The following SCGB2A1 variants were observed in gnomAD, a reference collection of about 807,000 sequenced individuals.
SCGB2A1 encodes mammaglobin-B.
Under a neutral mutation model 9.2 loss-of-function variants are expected in SCGB2A1, and 6 were observed. That is an observed-to-expected ratio of 0.66 (90% CI 0.36 to 1.29). The LOEUF (loss-of-function observed/expected upper bound fraction) is 1.29. Among genes scored for constraint, SCGB2A1 ranks in the 50% most tolerant of loss-of-function variants. SCGB2A1 has a pLI of 0.03. For missense variants in SCGB2A1, 138 were observed against 116.9 expected, an observed-to-expected ratio of 1.18 and a Z score of -0.83; for synonymous variants, 37 against 41.0, an observed-to-expected ratio of 0.90 and a Z score of 0.37.
At chr11:62,210,853 TCA>T (rs1491140104) in intron 2 of SCGB2A1, among the ~76,000 whole-genome samples, 2 of 151,438 alleles carry the variant, frequency 1.3e-5, no homozygotes, top group Admixed American at 6.6e-5. Flanking sequence ...CAGTCCCTTC[TCA>T]CACAGACACA....
intron 2 of SCGB2A1, among the ~76,000 whole-genome samples, chr11:62,212,406 G>T (rs1485428759): frequency 6.6e-6 from 1 of 151,406 alleles, no homozygotes; most frequent in Non-Finnish European, 1.5e-5. Flanking sequence ...AGGCCAAGGC[G>T]GGCAGATCAC....
intron 2 of SCGB2A1, among the ~76,000 whole-genome samples, chr11:62,211,664 T>G (rs1944832108): frequency 1.3e-5 from 2 of 151,974 alleles, no homozygotes; most frequent in South Asian, 4.1e-4. Context: ...CCTCCCAAAG[T>G]GCTGGGATTA....
At chr11:62,213,019 T>TGTACACAC (rs1402576773) in intron 2 of SCGB2A1, among the ~76,000 whole-genome samples, 1 of 140,144 alleles carries the variant, frequency 7.1e-6, no homozygotes, top group African/African-American at 2.8e-5. Context: ...TATGCACATA[T>TGTACACAC]ATACATATAT....
At position 62,208,693 on chromosome 11, in the gene SCGB2A1, T is replaced by C. The variant is rs1944803396; in HGVS notation, c.-39T>C. ...CCTCCACAGCAACTTCCTTGATCCC[T>C]GCCACGCACGACTGAACACAGACAG... On this transcript the variant is annotated 5_prime_UTR_variant, in exon 1 of 3. Coordinates refer to ENST00000244930, the MANE Select transcript of SCGB2A1 (RefSeq NM_002407.3). The C allele has an allele frequency of 1.9e-6, 3 of 1,610,100 alleles. No individual in the cohort carries two copies. The African/African-American group carries it at 4.0e-5, about 22-fold the overall frequency.
chr11:62,212,722 G>T (rs1009195806), intron 2 of SCGB2A1, among the ~76,000 whole-genome samples: 3 of 151,834 alleles, frequency 2.0e-5, no homozygotes, highest in African/African-American at 7.3e-5. Flanking sequence ...AGTGTTTCTT[G>T]TTTCCGTTTT....
At chr11:62,211,962 G>T (rs546053702) in intron 2 of SCGB2A1, among the ~76,000 whole-genome samples, 16 of 152,172 alleles carry the variant, frequency 1.1e-4, no homozygotes, top group Non-Finnish European at 1.3e-4. Context: ...AGCTCTTGTT[G>T]CTCAGGCTGG....
At chr11:62,213,091 C>CACATATATATATATAT (rs57411910) in intron 2 of SCGB2A1, among the ~76,000 whole-genome samples, 6 of 13,856 alleles carry the variant, frequency 4.3e-4, no homozygotes, top group East Asian at 4.6e-3. Context: ...CATATATACA[C>CACATATATATATATAT]ATATATATAT....
intron 1 of SCGB2A1, among the ~76,000 whole-genome samples, chr11:62,209,887 C>T (rs946865206): frequency 6.6e-6 from 1 of 152,110 alleles, no homozygotes; most frequent in Non-Finnish European, 1.5e-5. Flanking sequence ...GTTGTCCAGG[C>T]TGGTCTTAAA....
At chr11:62,212,918 A>G (rs1944841513) in intron 2 of SCGB2A1, among the ~76,000 whole-genome samples, 4 of 146,126 alleles carry the variant, frequency 2.7e-5, no homozygotes, top group Admixed American at 2.7e-4. Flanking sequence ...ACATATATAT[A>G]CACACACACA....
chr11:62,208,710 C>T lies in SCGB2A1; in HGVS notation c.-22C>T. The T allele has an allele frequency of 1.2e-6, 2 of 1,613,300 alleles. No homozygotes were observed. Among genetic ancestry groups the T allele is most frequent in the Non-Finnish European group, 1.7e-6 (2 of 1,179,668 alleles). On this transcript the variant is annotated 5_prime_UTR_variant, in exon 1 of 3. Transcript: ENST00000244930. ...TTGATCCCTGCCACGCACGACTGAA[C>T]ACAGACAGCAGCCGCCTCGCCATGA...
chr11:62,213,175 A>G (rs1463520035), intron 2 of SCGB2A1, among the ~76,000 whole-genome samples: 2 of 149,610 alleles, frequency 1.3e-5, no homozygotes, highest in Non-Finnish European at 3.0e-5. Context: ...GGGTCAAGCA[A>G]TCTGCCCTCC....
rs1051676030 is a variant in SCGB2A1 at position 62,210,401 on chromosome 11, T to C, written c.56-12T>C. On this transcript the variant is annotated splice_polypyrimidine_tract_variant and intron_variant, in intron 1 of 2. Coordinates refer to ENST00000244930, the MANE Select transcript of SCGB2A1 (RefSeq NM_002407.3). The stretch of plus-strand genomic sequence containing the variant: ...GTTCTTGTGTCTTTTTTTTTTTTTT[T>C]TTTTTTTCCAGATTCTGGCTGCAAA... 3.3e-6 allele frequency: 5 copies of C among 1,532,684 alleles called. No individual in the cohort carries two copies. The highest frequency in any genetic ancestry group is 1.3e-5 in the South Asian group (1 of 77,922). 94.9% of individuals were successfully genotyped at this position (1,532,684 alleles called of 1,614,324 possible).
At position 62,211,375 on chromosome 11, in the gene SCGB2A1, G is replaced by A. The variant is rs1192849529; in HGVS notation, c.243+775G>A. On this transcript the variant is annotated intron_variant, in intron 2 of 2. Transcript: ENST00000244930. ...TTATCTAGCTCAGAAAATACAATTT[G>A]TGCAAATTCTGCATTTTCTAAAATA... Among the ~76,000 whole-genome samples the A allele has an allele frequency of 4.6e-5, 7 of 151,558 alleles. No homozygotes were observed. The South Asian group carries it at 1.3e-3, about 27-fold the overall frequency.
chr11:62,210,901 A>G lies in SCGB2A1; in HGVS notation c.243+301A>G, dbSNP rs568625636. 6.7e-5 allele frequency among the ~76,000 whole-genome samples: 10 copies of G among 149,746 alleles called. No individual in the cohort carries two copies. The South Asian group carries it at 2.2e-3, about 32-fold the overall frequency. ...AGCACACAAGTATAGACACACACAG[A>G]CACACGGGGACAGGCATCGGCATTT... On this transcript the variant is annotated intron_variant, in intron 2 of 2. Transcript: ENST00000244930.
Position 62,213,107 on chromosome 11 carries a change from T to TATATATATA in SCGB2A1, c.244-619_244-618insATATATATA, listed in dbSNP as rs1554985927. 9.7e-3 allele frequency among the ~76,000 whole-genome samples: 109 copies of TATATATATA among 11,288 alleles called. 3 individuals carry two copies. In the South Asian group the frequency reaches 0.29, roughly 30 times the overall value. The allele number at this position is 11,288 out of a possible 152,430, so 7.4% of individuals were successfully genotyped here. On this transcript the variant is annotated intron_variant, in intron 2 of 2. Transcript: ENST00000244930. ...ATATATACACATATATATATATATATTTTTTTTTTTGTAGAGATGGCATTT... is the reference window on the plus strand; with the variant it reads ...ATATATACACATATATATATATATATATATATATATTTTTTTTTTGTAGAGATGGCATTT...
intron 2 of SCGB2A1, among the ~76,000 whole-genome samples, chr11:62,211,794 A>T (rs564736010): frequency 6.6e-6 from 1 of 152,236 alleles, no homozygotes; most frequent in African/African-American, 2.4e-5. Context: ...TGCCTCATGA[A>T]GTGGGAAGTG....
intron 2 of SCGB2A1, among the ~76,000 whole-genome samples, chr11:62,211,341 TA>T (rs1198961976): frequency 9.5e-6 from 1 of 104,982 alleles, no homozygotes; most frequent in Admixed American, 9.6e-5. Context: ...AAAACATTCT[TA>T]TTTTTTTTTA....
rs1483401146 is a variant in SCGB2A1, at chr11:62,213,102, A to ATTT, written c.244-623_244-622insTTT. Reference sequence around the variant, plus strand: ...TACACATATATACACATATATATATATATATTTTTTTTTTTGTAGAGATGG... The same window carrying ATTT: ...TACACATATATACACATATATATATATTTTATATTTTTTTTTTTGTAGAGATGG... On this transcript the variant is annotated intron_variant, in intron 2 of 2. Coordinates refer to ENST00000244930, the MANE Select transcript of SCGB2A1 (RefSeq NM_002407.3). 8.5e-4 allele frequency among the ~76,000 whole-genome samples: 34 copies of ATTT among 39,898 alleles called. 2 individuals are homozygous for ATTT. The highest frequency in any genetic ancestry group is 1.6e-3 in the African/African-American group (30 of 18,478). The allele number at this position is 39,898 out of a possible 152,430, so 26.2% of individuals were successfully genotyped here. A position where few individuals can be genotyped will look rare whatever the true frequency, so the allele number is the denominator to read the frequency against.
chr11:62,210,364 G>A, intron 1 of SCGB2A1, 49 bp from the exon 2 acceptor site: 2 of 1,515,676 alleles, frequency 1.3e-6, no homozygotes, highest in East Asian at 2.4e-5. Flanking sequence ...CACACCTCTA[G>A]TAATGGCCCA....
Sources: allele counts gnomAD v4.1 joint callset (sites outside exome capture counted in the v4.1 genomes callset), GRCh38; gene constraint gnomAD v4.1.1; transcripts MANE v1.5; gene names NCBI Gene and HGNC (gene_info 2026-07-23, HGNC 2026-07-21).